Variants in SYNE2 observed in about 807,000 individuals in gnomAD.
SYNE2 encodes nesprin-2.
Under a neutral mutation model 856.3 loss-of-function variants are expected in SYNE2, and 431 were observed. The ratio of observed to expected loss-of-function variants is 0.50; its 90% CI spans 0.47 to 0.55. SYNE2 has a LOEUF of 0.55. SYNE2 is among the 20% of genes least tolerant of loss of function. The pLI, the probability that SYNE2 is intolerant of heterozygous loss-of-function variation, is 0.00. For missense variants in SYNE2, 8,129 were observed against 8,023.2 expected, an observed-to-expected ratio of 1.01 and a Z score of -0.50; for synonymous variants, 2,923 against 2,872.3, an observed-to-expected ratio of 1.02 and a Z score of -0.56.
At chr14:64,128,126 G>C (rs1213839296) in intron 73 of SYNE2, among the ~76,000 whole-genome samples, 1 of 152,102 alleles carries the variant, frequency 6.6e-6, no homozygotes, top group Non-Finnish European at 1.5e-5. Flanking sequence ...GGAGTATGTT[G>C]GAGTAAAGAG....
chr14:64,075,671 G>C, intron 53 of SYNE2: 1 of 387,220 alleles, frequency 2.6e-6, no homozygotes, highest in South Asian at 2.5e-5. Context: ...AAATCCTAAA[G>C]GTACTTTAGA....
chr14:64,077,846 T>TA lies in SYNE2; in HGVS notation c.11023-611dup, dbSNP rs563418303. Among the ~76,000 whole-genome samples, 49 of 151,516 alleles carry TA rather than the reference T, an allele frequency of 3.2e-4. No homozygotes were observed. In the South Asian group the frequency reaches 6.7e-3, roughly 21 times the overall value. The stretch of plus-strand genomic sequence containing the variant: ...TTTCTTTTTAAGAGAATCGTTTAGA[T>TA]AAAAAAAAATTACGCTGTTCAGTAG... On this transcript the variant is annotated intron_variant, in intron 54 of 115. Transcript: ENST00000555002.
At position 64,075,981 on chromosome 14, in the gene SYNE2, T is replaced by G. The variant is rs765918323; in HGVS notation, c.10903T>G (p.Phe3635Val). 6 of 1,613,790 alleles carry G rather than the reference T, an allele frequency of 3.7e-6. No individual in the cohort carries two copies. Among genetic ancestry groups the G allele is most frequent in the Non-Finnish European group, 5.1e-6 (6 of 1,179,866 alleles). The change falls in exon 54 of 116, where the codon TTT (phenylalanine) becomes GTT (valine). Residue 3635 changes from phenylalanine to valine, a missense_variant. By Grantham distance (50) the Phe-to-Val change is conservative (BLOSUM62 -1). This residue lies in a region of SYNE2 where 5,410 missense variants were observed against 5,284.8 expected (regional missense o/e 1.02). Transcript: ENST00000555002. ...CATCCTTAAGAAAGGGAAACTAACT[T>G]TTGAGAATATTATGGAAAAACTGCG... ...QSILKKGKLT[F>V]ENIMEKLRIK...
intron 1 of SYNE2, among the ~76,000 whole-genome samples, chr14:63,857,562 G>C (rs73276865): frequency 0.042 from 6,364 of 152,220 alleles, 286 homozygotes; most frequent in African/African-American, 0.11. Flanking sequence ...TTTCCAAAGT[G>C]GTTATATAAT....
intron 32 of SYNE2, among the ~76,000 whole-genome samples, chr14:64,010,718 T>TCTTCC (rs1444928170): frequency 1.3e-5 from 2 of 152,316 alleles, no homozygotes; most frequent in Admixed American, 1.3e-4. Context: ...AAAGTTTCTT[T>TCTTCC]CTTCCCTCCC....
At chr14:63,956,973 CT>C (rs1227505886) in intron 8 of SYNE2, among the ~76,000 whole-genome samples, 1 of 152,168 alleles carries the variant, frequency 6.6e-6, no homozygotes, top group Non-Finnish European at 1.5e-5. Flanking sequence ...CCATTTACCC[CT>C]AACCCCCCCA....
At position 64,122,282 on chromosome 14, in the gene SYNE2, A is replaced by G. The variant is rs369446724; in HGVS notation, c.13281-4A>G. 53 of 1,614,222 alleles carry G rather than the reference A, an allele frequency of 3.3e-5. No homozygotes were observed. The African/African-American group carries it at 3.9e-4, about 12-fold the overall frequency. On this transcript the variant is annotated splice_region_variant and splice_polypyrimidine_tract_variant and intron_variant, in intron 69 of 115. Coordinates refer to ENST00000555002, the MANE Select transcript of SYNE2 (RefSeq NM_182914.3). ...TCTCTTCACCTTTTGTTCTTCTTCA[A>G]AAGCAACCAGGCATCCAGCCCTGAA...
chr14:63,998,250 C>T lies in SYNE2; in HGVS notation c.3275C>T (p.Ala1092Val), dbSNP rs1555421275. ...AMEPTMKFSL[A>V]SVLRPLQEES... ...GAACCCACTATGAAGTTTAGCCTGG[C>T]ATCAGTGTTAAGGCCTCTGCAAGAA... Residue 1092 changes from alanine (A) to valine (V), a missense_variant, in exon 26 of 116, where the codon GCA becomes GTA. Ala to Val is a moderately conservative substitution (Grantham distance 64, BLOSUM62 0). This residue lies in a region of SYNE2 where 2,422 missense variants were observed against 2,357.4 expected (regional missense o/e 1.03). Coordinates refer to ENST00000555002, the MANE Select transcript of SYNE2 (RefSeq NM_182914.3). The T allele has an allele frequency of 6.2e-7, 1 of 1,613,906 alleles. No individual in the cohort carries two copies.
chr14:64,061,005 GGTGAGGA>G (rs1436714786), intron 49 of SYNE2, among the ~76,000 whole-genome samples: 1 of 152,188 alleles, frequency 6.6e-6, no homozygotes, highest in African/African-American at 2.4e-5. Context: ...CTGGGGGATG[GGTGAGGA>G]GTGGCATCAG....
chr14:64,224,607 G>A (rs747144537), intron 114 of SYNE2, 60 bp downstream of exon 114: 320 of 1,592,024 alleles, frequency 2.0e-4, no homozygotes, highest in Non-Finnish European at 2.6e-4. Flanking sequence ...TCACTAAGAT[G>A]AGGGAAGCTT....
At chr14:63,886,571 T>C (rs962304674) in intron 1 of SYNE2, among the ~76,000 whole-genome samples, 9 of 152,242 alleles carry the variant, frequency 5.9e-5, no homozygotes, top group African/African-American at 2.2e-4. Context: ...ATCAATTTTA[T>C]ATTTTGTAAT....
chr14:63,879,888 A>G (rs572163333), intron 1 of SYNE2, among the ~76,000 whole-genome samples: 50 of 152,358 alleles, frequency 3.3e-4, no homozygotes, highest in African/African-American at 1.2e-3. Flanking sequence ...AGCAAAGGAT[A>G]TCGCAGTTGC....
At chr14:63,878,044 C>T (rs2094768190) in intron 1 of SYNE2, among the ~76,000 whole-genome samples, 2 of 152,018 alleles carry the variant, frequency 1.3e-5, no homozygotes, top group South Asian at 4.2e-4. Flanking sequence ...TGTGTGCCAC[C>T]ACACCTGGTT....
At chr14:63,986,696 A>T in intron 19 of SYNE2, 79 bp downstream of exon 19, 1 of 1,407,262 alleles carries the variant, frequency 7.1e-7, no homozygotes, top group Non-Finnish European at 1.0e-6. Flanking sequence ...GTTTTAAAGT[A>T]AGTAGTAATA....
intron 1 of SYNE2, among the ~76,000 whole-genome samples, chr14:63,781,645 T>G (rs1887314939): frequency 6.8e-6 from 1 of 147,212 alleles, no homozygotes; most frequent in African/African-American, 2.5e-5. Context: ...GAGAGAGAGA[T>G]GGACCTTAGG....
At chr14:63,957,264 A>ATTTTTTTTTTTTTTTTTTT (rs4027476) in intron 8 of SYNE2, among the ~76,000 whole-genome samples, 1 of 110,814 alleles carries the variant, frequency 9.0e-6, no homozygotes, top group Admixed American at 1.0e-4. Context: ...TGCCCAGCTA[A>ATTTTTTTTTTTTTTTTTTT]TTTTTTTTTT....
chr14:63,804,669 T>C (rs934358422), intron 1 of SYNE2, among the ~76,000 whole-genome samples: 1 of 152,078 alleles, frequency 6.6e-6, no homozygotes, highest in African/African-American at 2.4e-5. Context: ...AACTTTGTAT[T>C]CTTAGTAGAG....
In SYNE2 at chr14:64,000,699, T is replaced by G; in HGVS notation, c.3618T>G (p.Leu1206=). 1 of 1,612,890 alleles carries G rather than the reference T, an allele frequency of 6.2e-7. No homozygotes were observed. The change falls in exon 28 of 116, where the codon CTT becomes CTG. Residue 1206 remains leucine (L), a synonymous_variant. Transcript: ENST00000555002. ...RDTLKERERE[L]QMTLNTRMES... is the part of the protein sequence containing the mutation. ...CACTAAAGGAAAGAGAAAGAGAGCT[T>G]CAGATGACTCTTAATACCAGGTAAA...
At chr14:63,859,758 G>A (rs1892986973) in intron 1 of SYNE2, among the ~76,000 whole-genome samples, 3 of 152,220 alleles carry the variant, frequency 2.0e-5, no homozygotes, top group Admixed American at 6.5e-5. Flanking sequence ...GGAGGTTACA[G>A]TGAGCTGAGA....
Sources: gnomAD v4.1 joint callset for allele counts (sites outside exome capture counted in the v4.1 genomes callset) on GRCh38, gnomAD v4.1.1 for gene constraint, gnomAD v4.1.1 regional missense constraint, MANE v1.5 for transcripts, NCBI Gene and HGNC (gene_info 2026-07-23, HGNC 2026-07-21) for gene names.